Variants in CDH19 observed in about 807,000 individuals in gnomAD.
The protein encoded by CDH19 is cadherin-19.
CDH19 carries 67 observed loss-of-function variants against 64.2 expected under a neutral mutation model. The observed-to-expected ratio is 1.04, with a 90% CI of 0.86 to 1.28. The LOEUF (loss-of-function observed/expected upper bound fraction) is 1.28, where lower values mean the gene tolerates loss of function less well. CDH19 is among the 50% of genes most tolerant of loss of function. The pLI, the probability that CDH19 is intolerant of heterozygous loss-of-function variation, is 0.00. For synonymous variants in CDH19, 346 were observed against 319.3 expected, an observed-to-expected ratio of 1.08 and a Z score of -0.89; for missense variants, 1,030 against 929.0, an observed-to-expected ratio of 1.11 and a Z score of -1.41.
At chr18:66,561,979 T>G (rs1286751499) in intron 3 of CDH19, among the ~76,000 whole-genome samples, 3 of 152,046 alleles carry the variant, frequency 2.0e-5, no homozygotes, top group Non-Finnish European at 2.9e-5. Flanking sequence ...CAAAAGGTCT[T>G]TATAAAAATA....
intron 8 of CDH19, among the ~76,000 whole-genome samples, chr18:66,533,698 G>C (rs914063046): frequency 1.3e-5 from 2 of 151,910 alleles, no homozygotes; most frequent in African/African-American, 4.8e-5. Context: ...TTCCAGAAAA[G>C]AGACTAAGCA....
intron 1 of CDH19, among the ~76,000 whole-genome samples, chr18:66,574,228 T>C (rs1988198174): frequency 6.6e-6 from 1 of 151,556 alleles, no homozygotes; most frequent in Admixed American, 6.6e-5. Flanking sequence ...ATTCAGTATG[T>C]TTCTTTATCC....
chr18:66,596,804 C>T (rs532528209), intron 1 of CDH19, among the ~76,000 whole-genome samples: 14 of 152,002 alleles, frequency 9.2e-5, no homozygotes, highest in East Asian at 3.9e-4. Flanking sequence ...CATACTAGGC[C>T]GGGCGCGGTG....
rs1342876032 is a variant in CDH19, at chr18:66,512,085, TTACTGAGAGCAAAACTGTGGTA to T, written c.1459-422_1459-401del. Among the ~76,000 whole-genome samples, 3 of 151,690 alleles carry T rather than the reference TTACTGAGAGCAAAACTGTGGTA, an allele frequency of 2.0e-5. No homozygotes were observed. In the South Asian group the frequency reaches 6.2e-4, roughly 31 times the overall value. ...TGCTAAAGTTGTCTATTTCCTGTTT[TTACTGAGAGCAAAACTGTGGTA>T]GAGTTACTGGCTTACTAAACTATTT... On this transcript the variant is annotated intron_variant, in intron 9 of 11. Transcript: ENST00000262150.
chr18:66,517,566 A>C (rs938974012), intron 9 of CDH19, among the ~76,000 whole-genome samples: 1 of 151,994 alleles, frequency 6.6e-6, no homozygotes, highest in African/African-American at 2.4e-5. Flanking sequence ...TTGTTTACCC[A>C]CATAGGTATT....
At chr18:66,548,461 C>A (rs1382990164) in intron 5 of CDH19, among the ~76,000 whole-genome samples, 1 of 147,378 alleles carries the variant, frequency 6.8e-6, no homozygotes, top group African/African-American at 2.6e-5. Flanking sequence ...AAAGGCCTGA[C>A]TCACAAATGT....
intron 3 of CDH19, among the ~76,000 whole-genome samples, chr18:66,562,946 G>A (rs1362308037): frequency 1.3e-5 from 2 of 152,042 alleles, no homozygotes; most frequent in African/African-American, 4.8e-5. Context: ...GTTGAGTTAT[G>A]TAAATTTTAT....
intron 8 of CDH19, chr18:66,532,489 T>C (rs867127211): frequency 8.9e-5 from 13 of 146,658 alleles, no homozygotes; most frequent in South Asian, 1.8e-4. Flanking sequence ...AGAGCATTCA[T>C]ACACACACAC....
chr18:66,574,184 G>A (rs941800766), intron 1 of CDH19, among the ~76,000 whole-genome samples: 5 of 151,532 alleles, frequency 3.3e-5, no homozygotes, highest in African/African-American at 1.2e-4. Flanking sequence ...GTTTCACATA[G>A]TCTGAATGTT....
rs777100996 is a variant in CDH19 at position 66,551,105 on chromosome 18, A to G, written c.764T>C (p.Ile255Thr). The change falls in exon 5 of 12, where the codon ATA (isoleucine) becomes ACA (threonine). Residue 255 changes from isoleucine (I) to threonine (T), a missense_variant. By Grantham distance (89) the Ile-to-Thr change is moderately conservative (BLOSUM62 -1). Transcript: ENST00000262150. Reference sequence around the variant, plus strand: ...TCCTTTTTACTTACTTTCTTTAAATATAGGCTTATTGTCATTAACATCTGA... The same window carrying G: ...TCCTTTTTACTTACTTTCTTTAAATGTAGGCTTATTGTCATTAACATCTGA... ...KLSDVNDNKPIFKESLYRLTV... is the reference protein window; with the variant it reads ...KLSDVNDNKPTFKESLYRLTV... 1 of 1,575,680 alleles carries G rather than the reference A, an allele frequency of 6.3e-7. No homozygotes were observed. Among genetic ancestry groups the G allele is most frequent in the Non-Finnish European group, 8.7e-7 (1 of 1,150,238 alleles).
chr18:66,599,515 T>C (rs1043173192), intron 1 of CDH19, among the ~76,000 whole-genome samples: 3 of 152,048 alleles, frequency 2.0e-5, no homozygotes, highest in Middle Eastern at 3.2e-3. Context: ...TAGTAGAGTA[T>C]TCTACATTTC....
chr18:66,510,240 C>A (rs916163785), intron 10 of CDH19, among the ~76,000 whole-genome samples: 1 of 151,516 alleles, frequency 6.6e-6, no homozygotes, highest in Non-Finnish European at 1.5e-5. Flanking sequence ...ACTATGAAAC[C>A]CTTAAGGTCT....
At chr18:66,518,773 T>C (rs1175581928) in intron 9 of CDH19, among the ~76,000 whole-genome samples, 1 of 152,218 alleles carries the variant, frequency 6.6e-6, no homozygotes, top group African/African-American at 2.4e-5. Context: ...GAAACTTCTC[T>C]GTGACATAGT....
chr18:66,504,995 G>T lies in CDH19; in HGVS notation c.2136C>A (p.Ala712=). ...AGGTCTGGAGGGAATCAAAAGGAGG[G>T]GCACACGGATCAGTATTAGCTTCTT... is the stretch of plus-strand genomic sequence containing the variant. ...KLEEANTDPC[A]PPFDSLQTYA... is the part of the protein sequence containing the mutation. The change falls in exon 12 of 12, where the codon GCC becomes GCA. Residue 712 remains alanine, a synonymous_variant. Coordinates refer to ENST00000262150, the MANE Select transcript of CDH19 (RefSeq NM_021153.4). 1 of 1,613,530 alleles carries T rather than the reference G, an allele frequency of 6.2e-7. No individual in the cohort carries two copies. Among genetic ancestry groups the T allele is most frequent in the Non-Finnish European group, 8.5e-7 (1 of 1,179,708 alleles).
intron 1 of CDH19, among the ~76,000 whole-genome samples, chr18:66,592,451 C>T (rs1988771711): frequency 6.6e-6 from 1 of 151,820 alleles, no homozygotes; most frequent in Admixed American, 6.6e-5. Flanking sequence ...ACCATATTCA[C>T]TGTACAGTGC....
intron 9 of CDH19, among the ~76,000 whole-genome samples, chr18:66,520,927 G>A (rs1447629398): frequency 6.6e-6 from 1 of 151,974 alleles, no homozygotes; most frequent in Non-Finnish European, 1.5e-5. Context: ...ATTAATCTAG[G>A]AGGTACTTTG....
chr18:66,601,505 C>A (rs1164409967), intron 1 of CDH19, among the ~76,000 whole-genome samples: 1 of 151,856 alleles, frequency 6.6e-6, no homozygotes, highest in Non-Finnish European at 1.5e-5. Flanking sequence ...GTTGAGAAAC[C>A]ACTGTCCTAA....
At chr18:66,599,921 T>C (rs1445550440) in intron 1 of CDH19, among the ~76,000 whole-genome samples, 2 of 151,960 alleles carry the variant, frequency 1.3e-5, no homozygotes, top group Non-Finnish European at 2.9e-5. Flanking sequence ...AAGGGTTGTA[T>C]GTAATGGGTT....
intron 1 of CDH19, among the ~76,000 whole-genome samples, chr18:66,580,014 G>A (rs1988379763): frequency 1.3e-5 from 2 of 151,994 alleles, no homozygotes; most frequent in Admixed American, 1.3e-4. Context: ...TAATTGTTGA[G>A]TTCGGGTCAC....
Sources: allele counts gnomAD v4.1 joint callset (sites outside exome capture counted in the v4.1 genomes callset), GRCh38; gene constraint gnomAD v4.1.1; transcripts MANE v1.5; gene names NCBI Gene and HGNC (gene_info 2026-07-23, HGNC 2026-07-21).